DLG2: variants seen among roughly 807,000 people sequenced by gnomAD.
DLG2 encodes disks large homolog 2.
DLG2 carries 45 observed loss-of-function variants against 132.5 expected under a neutral mutation model. The ratio of observed to expected loss-of-function variants is 0.34; its 90% CI spans 0.27 to 0.44. The LOEUF (loss-of-function observed/expected upper bound fraction) is 0.44, where lower values mean the gene tolerates loss of function less well. DLG2 is among the 20% of genes least tolerant of loss of function. The probability of loss-of-function intolerance (pLI) is 1.00; values close to 1 mark genes in which losing one functional copy is unlikely to be tolerated. For missense variants in DLG2, 1,045 were observed against 1,196.9 expected, an observed-to-expected ratio of 0.87 and a Z score of 1.87; for synonymous variants, 424 against 419.6, an observed-to-expected ratio of 1.01 and a Z score of -0.13.
intron 2 of DLG2, among the ~76,000 whole-genome samples, chr11:85,613,025 C>T (rs61908770): frequency 5.8e-4 from 88 of 152,124 alleles, no homozygotes; most frequent in Non-Finnish European, 1.1e-3. Flanking sequence ...TTATACTAAC[C>T]AGTCAGGGAT....
At chr11:85,153,788 T>C (rs999063475) in intron 5 of DLG2, among the ~76,000 whole-genome samples, 1 of 152,086 alleles carries the variant, frequency 6.6e-6, no homozygotes, top group Non-Finnish European at 1.5e-5. Flanking sequence ...AGCATGAATA[T>C]CTACTATTTG....
rs2088880472 is a variant in DLG2, at chr11:83,455,855, C to T, written c.*3963G>A. ...TTCAAGGGAATTGATCTTTTTCCCT[C>T]TAGGAGTAACAAATTAATGTGATCA... On this transcript the variant is annotated 3_prime_UTR_variant, in exon 28 of 28. Coordinates refer to ENST00000376104, the MANE Select transcript of DLG2 (RefSeq NM_001142699.3). 6.6e-6 allele frequency: 1 copy of T among 152,460 alleles called. No homozygotes were observed. The highest frequency in any genetic ancestry group is 1.5e-5 in the Non-Finnish European group (1 of 68,038). 9.4% of individuals were successfully genotyped at this position (152,460 alleles called of 1,614,324 possible). A position where few individuals can be genotyped will look rare whatever the true frequency, so the allele number is the denominator to read the frequency against.
intron 3 of DLG2, among the ~76,000 whole-genome samples, chr11:85,296,464 T>A (rs2079212306): frequency 8.5e-6 from 1 of 117,244 alleles, no homozygotes; most frequent in Non-Finnish European, 1.8e-5. Context: ...TTGTTTCGAT[T>A]TTCTTTTTTT....
chr11:85,250,811 G>T (rs145754814), intron 4 of DLG2, among the ~76,000 whole-genome samples: 23 of 152,136 alleles, frequency 1.5e-4, no homozygotes, highest in African/African-American at 4.8e-4. Context: ...AGCCCTATAA[G>T]GAGCCCTAAA....
At chr11:83,940,978 G>T (rs534474333) in intron 14 of DLG2, among the ~76,000 whole-genome samples, 1 of 152,178 alleles carries the variant, frequency 6.6e-6, no homozygotes, top group Non-Finnish European at 1.5e-5. Flanking sequence ...CATCTCTCTT[G>T]TCATGTCTGT....
intron 19 of DLG2, among the ~76,000 whole-genome samples, chr11:83,588,267 C>A (rs547547892): frequency 6.6e-6 from 1 of 150,520 alleles, no homozygotes; most frequent in Non-Finnish European, 1.5e-5. Context: ...GTAGTTCTCC[C>A]AGCACGCAGC....
chr11:84,975,685 T>C (rs1331033639), intron 6 of DLG2, among the ~76,000 whole-genome samples: 2 of 152,310 alleles, frequency 1.3e-5, no homozygotes, highest in East Asian at 3.9e-4. Flanking sequence ...CTACTCCCTA[T>C]TAAGAAGAGG....
chr11:83,713,913 G>A (rs1317321283), intron 18 of DLG2, among the ~76,000 whole-genome samples: 3 of 152,168 alleles, frequency 2.0e-5, no homozygotes, highest in Non-Finnish European at 4.4e-5. Context: ...TAGGAACACA[G>A]ATGTCTTTTC....
At chr11:85,496,894 G>C (rs1197085240) in intron 3 of DLG2, among the ~76,000 whole-genome samples, 1 of 152,064 alleles carries the variant, frequency 6.6e-6, no homozygotes, top group Non-Finnish European at 1.5e-5. Flanking sequence ...TCAACAAAAA[G>C]GACGTCCACT....
At chr11:84,303,195 G>C (rs949441255) in intron 7 of DLG2, among the ~76,000 whole-genome samples, 1 of 152,156 alleles carries the variant, frequency 6.6e-6, no homozygotes, top group African/African-American at 2.4e-5. Flanking sequence ...AGGTATTATA[G>C]AGATTGAGTA....
At chr11:84,543,987 C>T (rs1159122554) in intron 6 of DLG2, among the ~76,000 whole-genome samples, 3 of 152,204 alleles carry the variant, frequency 2.0e-5, no homozygotes, top group Non-Finnish European at 4.4e-5. Context: ...TAATTACCTA[C>T]TATGGACTAG....
chr11:84,953,665 A>G (rs2051245793), intron 6 of DLG2, among the ~76,000 whole-genome samples: 1 of 152,196 alleles, frequency 6.6e-6, no homozygotes, highest in Non-Finnish European at 1.5e-5. Flanking sequence ...CACCCGGCAT[A>G]TGGTATTCTT....
intron 6 of DLG2, among the ~76,000 whole-genome samples, chr11:84,604,493 G>A (rs1481160745): frequency 2.0e-5 from 3 of 151,874 alleles, no homozygotes; most frequent in Non-Finnish European, 4.4e-5. Context: ...TACTGCAATA[G>A]GTATCCTACT....
chr11:83,664,431 T>A (rs1445539879), intron 18 of DLG2, among the ~76,000 whole-genome samples: 7 of 152,130 alleles, frequency 4.6e-5, no homozygotes, highest in Admixed American at 3.3e-4. Flanking sequence ...CCTCACTTTT[T>A]TTTTTTTTTA....
intron 3 of DLG2, among the ~76,000 whole-genome samples, chr11:85,345,873 TA>T (rs1324754112): frequency 1.3e-5 from 2 of 151,768 alleles, no homozygotes; most frequent in South Asian, 2.1e-4. Context: ...ACTATTGCTT[TA>T]AAAAAAACAA....
At chr11:84,217,414 T>C (rs2096850960) in intron 8 of DLG2, among the ~76,000 whole-genome samples, 1 of 152,172 alleles carries the variant, frequency 6.6e-6, no homozygotes, top group Non-Finnish European at 1.5e-5. Flanking sequence ...TAAAGTCTCT[T>C]CTCTTGTCTG....
chr11:84,462,020 T>C (rs548472728), intron 7 of DLG2, among the ~76,000 whole-genome samples: 1 of 151,116 alleles, frequency 6.6e-6, no homozygotes, highest in Non-Finnish European at 1.5e-5. Context: ...TGGCGAAATG[T>C]CATCAACGTT....
chr11:84,717,830 C>T (rs929179669), intron 6 of DLG2, among the ~76,000 whole-genome samples: 3 of 152,030 alleles, frequency 2.0e-5, no homozygotes, highest in Non-Finnish European at 2.9e-5. Context: ...GTACTGCATG[C>T]ATCTCATTTA....
chr11:84,855,535 T>A (rs2082670063), intron 6 of DLG2, among the ~76,000 whole-genome samples: 1 of 152,026 alleles, frequency 6.6e-6, no homozygotes, highest in African/African-American at 2.4e-5. Flanking sequence ...AAGCAAACAA[T>A]TCCCTTGTTT....
Sources: gnomAD v4.1 joint callset for allele counts (sites outside exome capture counted in the v4.1 genomes callset) on GRCh38, gnomAD v4.1.1 for gene constraint, MANE v1.5 for transcripts, NCBI Gene and HGNC (gene_info 2026-07-23, HGNC 2026-07-21) for gene names.